The following NUP93 variants were observed in gnomAD, a reference collection of about 807,000 sequenced individuals.
NUP93 encodes nucleoporin 93.
NUP93 carries 55 observed loss-of-function variants against 107.8 expected under a neutral mutation model. That is an observed-to-expected ratio of 0.51 (90% CI 0.41 to 0.64). The LOEUF (loss-of-function observed/expected upper bound fraction) is 0.64. Ranked by LOEUF, NUP93 falls within the 30% of genes least tolerant of loss-of-function variation. The pLI is 0.00. For synonymous variants in NUP93, 390 were observed against 397.5 expected (o/e 0.98, Z 0.22); for missense variants, 937 against 1,044.7 (o/e 0.90, Z 1.42).
intron 3 of NUP93, among the ~76,000 whole-genome samples, chr16:56,794,314 G>T (rs1203592019): frequency 2.6e-5 from 4 of 152,014 alleles, no homozygotes; most frequent in Non-Finnish European, 4.4e-5. Flanking sequence ...GTATGTAATG[G>T]TTAATGGTCT....
chr16:56,809,928 A>G (rs955884916), intron 5 of NUP93, among the ~76,000 whole-genome samples: 4 of 152,218 alleles, frequency 2.6e-5, no homozygotes, highest in African/African-American at 9.6e-5. Context: ...TTCTTTCTCA[A>G]TTCTTTGTGA....
At chr16:56,754,042 G>A (rs1232662530) in intron 2 of NUP93, among the ~76,000 whole-genome samples, 1 of 151,938 alleles carries the variant, frequency 6.6e-6, no homozygotes, top group Non-Finnish European at 1.5e-5. Context: ...CAGGAAGCGT[G>A]GATGGGGAGG....
intron 2 of NUP93, among the ~76,000 whole-genome samples, chr16:56,756,508 G>A (rs929592133): frequency 2.6e-5 from 4 of 152,148 alleles, no homozygotes; most frequent in Non-Finnish European, 5.9e-5. Flanking sequence ...ATTCCATGGT[G>A]TATATGTGCT....
At chr16:56,806,337 C>T (rs1963139252) in intron 5 of NUP93, among the ~76,000 whole-genome samples, 1 of 151,980 alleles carries the variant, frequency 6.6e-6, no homozygotes, top group Admixed American at 6.6e-5. Flanking sequence ...CTTCTCACTG[C>T]CTCCACTTTT....
Position 56,846,024 on chromosome 16 carries a change from C to G in NUP93, c.*1415C>G, listed in dbSNP as rs1964112245. The G allele has an allele frequency of 6.6e-6, 1 of 152,208 alleles. No individual in the cohort carries two copies. The highest frequency in any genetic ancestry group is 2.4e-5 in the African/African-American group (1 of 41,438). The allele number at this position is 152,208 out of a possible 1,614,324, so 9.4% of individuals were successfully genotyped here. A position where few individuals can be genotyped will look rare whatever the true frequency, so the allele number is the denominator to read the frequency against. ...TGAGCTTTACTAGAAAGTCTTGAAA[C>G]ATGAGCCCTGCAGAGGCCTTGATTT... is the stretch of plus-strand genomic sequence containing the variant. On this transcript the variant is annotated 3_prime_UTR_variant, in exon 22 of 22. Coordinates refer to ENST00000308159, the MANE Select transcript of NUP93 (RefSeq NM_014669.5).
chr16:56,764,563 A>G (rs1202039051), intron 3 of NUP93, among the ~76,000 whole-genome samples: 10 of 152,326 alleles, frequency 6.6e-5, no homozygotes, highest in Middle Eastern at 3.4e-3. Flanking sequence ...TTTATAGTCT[A>G]TCTTTTAGTT....
At chr16:56,778,454 T>A (rs936883714) in intron 3 of NUP93, among the ~76,000 whole-genome samples, 5 of 152,090 alleles carry the variant, frequency 3.3e-5, no homozygotes, top group Non-Finnish European at 7.4e-5. Flanking sequence ...GCAGTACTTA[T>A]GGAAGTTGGT....
intron 4 of NUP93, among the ~76,000 whole-genome samples, chr16:56,801,387 T>C (rs1464590755): frequency 6.6e-6 from 1 of 152,152 alleles, no homozygotes; most frequent in Non-Finnish European, 1.5e-5. Flanking sequence ...GGTGATGCAA[T>C]TAAGGGAAGA....
chr16:56,806,835 TTATACA>T (rs1963152060), intron 5 of NUP93, among the ~76,000 whole-genome samples: 1 of 152,098 alleles, frequency 6.6e-6, no homozygotes, highest in South Asian at 2.1e-4. Flanking sequence ...GGGGAGAGGA[TTATACA>T]AGGGCTTGAC....
At chr16:56,800,981 T>A (rs1187763360) in intron 4 of NUP93, among the ~76,000 whole-genome samples, 1 of 152,224 alleles carries the variant, frequency 6.6e-6, no homozygotes, top group African/African-American at 2.4e-5. Context: ...TTTCCACACA[T>A]AACAAAAACT....
chr16:56,754,543 C>A (rs1032223989), intron 2 of NUP93, among the ~76,000 whole-genome samples: 3 of 152,198 alleles, frequency 2.0e-5, no homozygotes, highest in African/African-American at 7.2e-5. Flanking sequence ...GCAAATGTTC[C>A]CATTCCAAAA....
In NUP93 at chr16:56,823,794, G is replaced by T. The variant is rs762899574; in HGVS notation, c.742G>T (p.Val248Leu). 2.5e-6 allele frequency: 4 copies of T among 1,614,158 alleles called. No individual in the cohort carries two copies. Among genetic ancestry groups the T allele is most frequent in the South Asian group, 2.2e-5 (2 of 91,086 alleles). Residue 248 changes from valine (V) to leucine (L), a missense_variant, in exon 8 of 22, where the codon GTG becomes TTG. Coordinates refer to ENST00000308159, the MANE Select transcript of NUP93 (RefSeq NM_014669.5). ...GGATGCCCTGAAGAACCGCAGCAGCGTGGAAGTGCGCATGGAGTTTGTCAG... is the reference window on the plus strand; with the variant it reads ...GGATGCCCTGAAGAACCGCAGCAGCTTGGAAGTGCGCATGGAGTTTGTCAG... ...ATDALKNRSSVEVRMEFVRQA... is the reference protein window; with the variant it reads ...ATDALKNRSSLEVRMEFVRQA...
intron 3 of NUP93, among the ~76,000 whole-genome samples, chr16:56,796,189 G>GTATTATGTA: frequency 6.6e-6 from 1 of 152,276 alleles, no homozygotes; most frequent in Admixed American, 6.5e-5. Flanking sequence ...ACACTAATGT[G>GTATTATGTA]CCACATAATG....
At chr16:56,809,849 A>G (rs1416707376) in intron 5 of NUP93, among the ~76,000 whole-genome samples, 1 of 152,218 alleles carries the variant, frequency 6.6e-6, no homozygotes, top group Non-Finnish European at 1.5e-5. Flanking sequence ...TTAGACCTAA[A>G]GATTTCAGAC....
chr16:56,731,958 A>T (rs761164326), intron 1 of NUP93, among the ~76,000 whole-genome samples: 1 of 151,958 alleles, frequency 6.6e-6, no homozygotes, highest in Admixed American at 6.6e-5. Flanking sequence ...ACCCCTTTAC[A>T]GTGAGCTATA....
chr16:56,769,111 A>C (rs777319427), intron 3 of NUP93, among the ~76,000 whole-genome samples: 41 of 152,180 alleles, frequency 2.7e-4, no homozygotes, highest in Non-Finnish European at 8.8e-5. Context: ...TTTGAGTCCA[A>C]TACTGTGCTC....
intron 8 of NUP93, among the ~76,000 whole-genome samples, chr16:56,826,166 G>C (rs1435731945): frequency 6.6e-6 from 1 of 152,144 alleles, no homozygotes; most frequent in Non-Finnish European, 1.5e-5. Flanking sequence ...GTGGGCATCT[G>C]TTTGTCCTGG....
At chr16:56,824,624 G>T (rs571320330) in intron 8 of NUP93, among the ~76,000 whole-genome samples, 44 of 152,328 alleles carry the variant, frequency 2.9e-4, no homozygotes, top group African/African-American at 1.0e-3. Flanking sequence ...TTGCCACTCA[G>T]CCTCTGCACC....
chr16:56,761,783 A>T (rs1339966947), intron 3 of NUP93, among the ~76,000 whole-genome samples: 1 of 152,216 alleles, frequency 6.6e-6, no homozygotes, highest in Admixed American at 6.5e-5. Context: ...TATTTGGTAA[A>T]CATTGATTAT....
Sources: gnomAD v4.1 joint callset for allele counts (sites outside exome capture counted in the v4.1 genomes callset) on GRCh38, gnomAD v4.1.1 for gene constraint, MANE v1.5 for transcripts, NCBI Gene and HGNC (gene_info 2026-07-23, HGNC 2026-07-21) for gene names.